The following EYS variants were observed in gnomAD, a reference collection of about 807,000 sequenced individuals.
EYS encodes protein eyes shut homolog.
Under a neutral mutation model 282.1 loss-of-function variants are expected in EYS, and 250 were observed. The observed-to-expected ratio is 0.89, with a 90% CI of 0.80 to 0.98. EYS has a LOEUF of 0.98. Ranked by LOEUF, EYS falls within the 50% of genes least tolerant of loss-of-function variation. EYS has a pLI of 0.00. For synonymous variants in EYS, 1,355 were observed against 1,282.9 expected (o/e 1.06, Z -1.20); for missense variants, 4,016 against 3,709.0 (o/e 1.08, Z -2.15).
chr6:65,653,090 A>G (rs1019401132), intron 1 of EYS, among the ~76,000 whole-genome samples: 3 of 151,940 alleles, frequency 2.0e-5, no homozygotes, highest in African/African-American at 7.2e-5. Flanking sequence ...GCCACAAAGG[A>G]TACACAGATT....
chr6:64,839,537 T>C (rs1174904278), intron 19 of EYS, among the ~76,000 whole-genome samples: 1 of 152,090 alleles, frequency 6.6e-6, no homozygotes, highest in East Asian at 1.9e-4. Flanking sequence ...ATTTAATTTG[T>C]TTAAAAGTTT....
chr6:63,823,829 C>T (rs1771386627), intron 36 of EYS, among the ~76,000 whole-genome samples: 1 of 151,978 alleles, frequency 6.6e-6, no homozygotes, highest in Non-Finnish European at 1.5e-5. Context: ...ATTCCCCTTT[C>T]CTAAGTTACT....
intron 2 of EYS, among the ~76,000 whole-genome samples, chr6:65,543,864 G>A (rs1349931930): frequency 1.3e-5 from 2 of 152,130 alleles, no homozygotes; most frequent in South Asian, 4.1e-4. Context: ...ATAGTAATTC[G>A]TCAACTTCTC....
chr6:64,355,192 T>C (rs1318644188), intron 29 of EYS, among the ~76,000 whole-genome samples: 2 of 151,642 alleles, frequency 1.3e-5, no homozygotes, highest in South Asian at 2.1e-4. Flanking sequence ...TCTCATAATT[T>C]CCCGATTGTG....
intron 31 of EYS, among the ~76,000 whole-genome samples, chr6:64,137,441 G>A (rs1382068979): frequency 6.6e-6 from 1 of 152,102 alleles, no homozygotes; most frequent in African/African-American, 2.4e-5. Flanking sequence ...ACCTGTTTCA[G>A]CTTTCAACAT....
At chr6:64,542,321 G>C (rs1475983715) in intron 26 of EYS, among the ~76,000 whole-genome samples, 1 of 151,976 alleles carries the variant, frequency 6.6e-6, no homozygotes, top group Non-Finnish European at 1.5e-5. Context: ...TGTGTTTCAT[G>C]CTTACCAATT....
chr6:65,534,366 A>C (rs912683259), intron 2 of EYS, among the ~76,000 whole-genome samples: 2 of 152,132 alleles, frequency 1.3e-5, no homozygotes, highest in Non-Finnish European at 2.9e-5. Context: ...TCTGAGTGGT[A>C]AAGAGCTGGA....
intron 41 of EYS, among the ~76,000 whole-genome samples, chr6:63,748,908 T>C (rs1769275019): frequency 6.6e-6 from 1 of 152,038 alleles, no homozygotes; most frequent in South Asian, 2.1e-4. Context: ...TAGTGGTCTA[T>C]TTTATTTTAT....
At chr6:65,612,839 CTCA>C (rs1766048154) in intron 2 of EYS, among the ~76,000 whole-genome samples, 1 of 151,296 alleles carries the variant, frequency 6.6e-6, no homozygotes, top group African/African-American at 2.4e-5. Flanking sequence ...AATAGAATTG[CTCA>C]TCATATTTTC....
chr6:64,340,156 T>C (rs994450761), intron 29 of EYS, among the ~76,000 whole-genome samples: 2 of 150,798 alleles, frequency 1.3e-5, no homozygotes, highest in African/African-American at 2.4e-5. Flanking sequence ...AGCCCTATCC[T>C]CTGAAAGTTT....
intron 22 of EYS, among the ~76,000 whole-genome samples, chr6:64,686,627 G>C (rs1232414185): frequency 6.7e-6 from 1 of 149,140 alleles, no homozygotes; most frequent in Admixed American, 6.8e-5. Context: ...TGTAGTCCCA[G>C]CTACTCGGGA....
chr6:64,998,187 TAAAA>T (rs1199369151), intron 13 of EYS, among the ~76,000 whole-genome samples: 1 of 152,184 alleles, frequency 6.6e-6, no homozygotes, highest in African/African-American at 2.4e-5. Flanking sequence ...AAGCCTTAGT[TAAAA>T]AGAGCTTTCA....
chr6:65,116,515 T>A (rs1775377933), intron 12 of EYS, among the ~76,000 whole-genome samples: 1 of 152,096 alleles, frequency 6.6e-6, no homozygotes, highest in East Asian at 1.9e-4. Context: ...AGACACTCTC[T>A]AGCCCAAGGG....
At chr6:64,419,320 T>C (rs1197758794) in intron 28 of EYS, among the ~76,000 whole-genome samples, 2 of 152,156 alleles carry the variant, frequency 1.3e-5, no homozygotes, top group Non-Finnish European at 2.9e-5. Context: ...GTGAGAATTA[T>C]GGGAACTACA....
At chr6:65,164,112 G>A (rs965304803) in intron 12 of EYS, among the ~76,000 whole-genome samples, 1 of 151,292 alleles carries the variant, frequency 6.6e-6, no homozygotes, top group African/African-American at 2.4e-5. Flanking sequence ...ATAATTGTGA[G>A]TTGTTTTTAA....
intron 14 of EYS, among the ~76,000 whole-genome samples, chr6:64,949,565 T>C (rs1769411170): frequency 6.6e-6 from 1 of 151,920 alleles, no homozygotes. Context: ...GCAGCCCATG[T>C]AGGACAACCA....
intron 31 of EYS, among the ~76,000 whole-genome samples, chr6:64,104,677 A>T (rs1252776784): frequency 6.6e-6 from 1 of 150,742 alleles, no homozygotes; most frequent in Non-Finnish European, 1.5e-5. Flanking sequence ...CCTTCAAAAG[A>T]TGGTAATGTC....
At chr6:64,662,569 C>G (rs1282448113) in intron 22 of EYS, among the ~76,000 whole-genome samples, 1 of 152,118 alleles carries the variant, frequency 6.6e-6, no homozygotes, top group African/African-American at 2.4e-5. Context: ...CTTTATTAAA[C>G]TCCCAGTGAA....
At chr6:64,114,969 G>T in intron 31 of EYS, among the ~76,000 whole-genome samples, 1 of 152,206 alleles carries the variant, frequency 6.6e-6, no homozygotes, top group East Asian at 1.9e-4. Context: ...CTGGAGCTGC[G>T]GCCACTCTGT....
Sources: gnomAD v4.1 joint callset for allele counts (sites outside exome capture counted in the v4.1 genomes callset) on GRCh38, gnomAD v4.1.1 for gene constraint, MANE v1.5 for transcripts, NCBI Gene and HGNC (gene_info 2026-07-23, HGNC 2026-07-21) for gene names.